The following HDAC9 variants were observed in gnomAD, a reference collection of about 807,000 sequenced individuals.
HDAC9 encodes MEF-2 interacting transcription repressor (MITR) protein.
A neutral mutation model predicts 139.4 loss-of-function variants in HDAC9; 41 were observed. The observed-to-expected ratio is 0.29, with a 90% CI of 0.23 to 0.38. HDAC9 has a LOEUF of 0.38. HDAC9 is among the 10% of genes least tolerant of loss of function. The pLI is 1.00. For synonymous variants in HDAC9, 517 were observed against 476.2 expected (o/e 1.09, Z -1.12); for missense variants, 1,147 against 1,297.0 (o/e 0.88, Z 1.78).
intron 22 of HDAC9, 47 bp from the exon 23 acceptor site, chr7:18,935,761 CT>C: frequency 1.3e-6 from 2 of 1,563,236 alleles, no homozygotes; most frequent in Non-Finnish European, 1.8e-6. Flanking sequence ...CTAGTGATCA[CT>C]TTCTCTTGAT....
chr7:18,879,563 A>C lies in HDAC9; in HGVS notation c.2803+4967A>C, dbSNP rs2129253232. On this transcript the variant is annotated intron_variant, in intron 22 of 25. Transcript: ENST00000686413. Reference sequence around the variant, plus strand: ...ACTGCCAGAAACAAGCAATGGGGAGAAGACTCCCTATTCAATAAATGGTAC... The same window carrying C: ...ACTGCCAGAAACAAGCAATGGGGAGCAGACTCCCTATTCAATAAATGGTAC... 1.3e-5 allele frequency among the ~76,000 whole-genome samples: 2 copies of C among 152,266 alleles called. 1 individual carries two copies. Among genetic ancestry groups the C allele is most frequent in the South Asian group, 4.1e-4 (2 of 4,822 alleles).
chr7:18,379,229 A>G (rs1308360615), intron 1 of HDAC9, among the ~76,000 whole-genome samples: 3 of 152,218 alleles, frequency 2.0e-5, no homozygotes, highest in Non-Finnish European at 4.4e-5. Context: ...GGTTATATTG[A>G]TTCTTAGATA....
At chr7:18,831,737 C>G (rs1795869729) in intron 19 of HDAC9, among the ~76,000 whole-genome samples, 1 of 151,998 alleles carries the variant, frequency 6.6e-6, no homozygotes. Context: ...TTCTCCCTGG[C>G]TGACAGGTCT....
chr7:18,750,141 G>A (rs894534267), intron 14 of HDAC9, among the ~76,000 whole-genome samples: 5 of 152,140 alleles, frequency 3.3e-5, no homozygotes, highest in South Asian at 2.1e-4. Flanking sequence ...ACTTGCCTAC[G>A]TATGATAGTG....
intron 1 of HDAC9, among the ~76,000 whole-genome samples, chr7:18,093,617 A>G (rs1476418831): frequency 3.9e-5 from 6 of 152,228 alleles, no homozygotes; most frequent in Non-Finnish European, 1.5e-5. Flanking sequence ...TAAAATCAAA[A>G]GCACTGTGTC....
chr7:18,400,435 G>A (rs970338385), intron 1 of HDAC9, among the ~76,000 whole-genome samples: 2 of 152,162 alleles, frequency 1.3e-5, no homozygotes, highest in Non-Finnish European at 2.9e-5. Context: ...GATGGGTGTG[G>A]TCTCAGACAA....
intron 12 of HDAC9, among the ~76,000 whole-genome samples, chr7:18,679,673 T>A (rs1781763525): frequency 6.6e-6 from 1 of 151,728 alleles, no homozygotes; most frequent in African/African-American, 2.4e-5. Flanking sequence ...CCGTGTTCTG[T>A]TAATTCAGTT....
intron 1 of HDAC9, among the ~76,000 whole-genome samples, chr7:18,418,962 GT>G (rs1278580820): frequency 6.6e-6 from 1 of 151,978 alleles, no homozygotes; most frequent in Non-Finnish European, 1.5e-5. Context: ...TTGTTTCTTT[GT>G]TTTGTTTTTG....
chr7:18,939,619 T>TACC (rs1781885158), intron 23 of HDAC9, among the ~76,000 whole-genome samples: 1 of 152,196 alleles, frequency 6.6e-6, no homozygotes, highest in Non-Finnish European at 1.5e-5. Context: ...TTTAGAAAAG[T>TACC]AATATATAAG....
At chr7:18,248,898 C>G (rs886080969) in intron 2 of HDAC9, among the ~76,000 whole-genome samples, 1 of 152,156 alleles carries the variant, frequency 6.6e-6, no homozygotes, top group Non-Finnish European at 1.5e-5. Flanking sequence ...TATATAAAGA[C>G]AGTCATTATC....
At chr7:18,143,235 C>G (rs528717999) in intron 1 of HDAC9, among the ~76,000 whole-genome samples, 1 of 152,250 alleles carries the variant, frequency 6.6e-6, no homozygotes, top group Admixed American at 6.5e-5. Context: ...GATAGTAATT[C>G]TTTTCAGAAC....
intron 19 of HDAC9, among the ~76,000 whole-genome samples, chr7:18,833,465 G>A (rs1796006359): frequency 6.6e-6 from 1 of 152,030 alleles, no homozygotes. Context: ...ATTGTATAGG[G>A]GAAATACAAA....
chr7:18,856,526 T>G (rs1797694103), intron 21 of HDAC9, among the ~76,000 whole-genome samples: 1 of 152,120 alleles, frequency 6.6e-6, no homozygotes, highest in South Asian at 2.1e-4. Flanking sequence ...CCTCTATTTT[T>G]CTTACACTGA....
chr7:18,142,438 G>T (rs751488337), intron 1 of HDAC9, among the ~76,000 whole-genome samples: 1 of 152,052 alleles, frequency 6.6e-6, no homozygotes, highest in Non-Finnish European at 1.5e-5. Flanking sequence ...AAAAATACAC[G>T]TTTGAAGATG....
chr7:18,665,244 C>T (rs1485900663), intron 11 of HDAC9, among the ~76,000 whole-genome samples: 3 of 152,120 alleles, frequency 2.0e-5, no homozygotes, highest in African/African-American at 7.2e-5. Context: ...CTTACATAGG[C>T]ACTGACTTAG....
chr7:18,491,742 A>G (rs1003608833), upstream of HDAC9, among the ~76,000 whole-genome samples: 1 of 151,972 alleles, frequency 6.6e-6, no homozygotes, highest in African/African-American at 2.4e-5. Context: ...AGGCATTCGA[A>G]GAGAAGCCTG....
At chr7:18,341,556 A>G (rs1343595470) in intron 1 of HDAC9, among the ~76,000 whole-genome samples, 1 of 151,576 alleles carries the variant, frequency 6.6e-6, no homozygotes, top group Non-Finnish European at 1.5e-5. Flanking sequence ...TTTATCTGAC[A>G]GGTTATAGTT....
intron 12 of HDAC9, among the ~76,000 whole-genome samples, chr7:18,676,615 T>C (rs1370391947): frequency 6.6e-6 from 1 of 152,048 alleles, no homozygotes; most frequent in East Asian, 1.9e-4. Flanking sequence ...ATTTAATGTT[T>C]ATTTTTCTAC....
chr7:18,184,701 T>G (rs1789768034), intron 2 of HDAC9, among the ~76,000 whole-genome samples: 2 of 152,218 alleles, frequency 1.3e-5, no homozygotes. Flanking sequence ...ATGCTTGTCT[T>G]GTTCTCTTGA....
Sources: allele counts gnomAD v4.1 joint callset (sites outside exome capture counted in the v4.1 genomes callset), GRCh38; gene constraint gnomAD v4.1.1; transcripts MANE v1.5; gene names NCBI Gene and HGNC (gene_info 2026-07-23, HGNC 2026-07-21).